The following CAP2 variants were observed in gnomAD, a reference collection of about 807,000 sequenced individuals.
CAP2 encodes adenylyl cyclase-associated protein 2.
Under a neutral mutation model 57.7 loss-of-function variants are expected in CAP2, and 24 were observed. The ratio of observed to expected loss-of-function variants is 0.42; its 90% CI spans 0.30 to 0.58. The LOEUF (loss-of-function observed/expected upper bound fraction) is 0.58, where lower values mean the gene tolerates loss of function less well. Ranked by LOEUF, CAP2 falls within the 20% of genes least tolerant of loss-of-function variation. The pLI, the probability that CAP2 is intolerant of heterozygous loss-of-function variation, is 0.22. For missense variants in CAP2, 501 were observed against 590.3 expected (o/e 0.85, Z 1.57); for synonymous variants, 194 against 207.2 (o/e 0.94, Z 0.55).
At chr6:17,424,743 G>A (rs1429864108) in intron 2 of CAP2, among the ~76,000 whole-genome samples, 2 of 152,212 alleles carry the variant, frequency 1.3e-5, no homozygotes, top group Non-Finnish European at 2.9e-5. Context: ...AGACAGGTCT[G>A]CCCGCAGGAG....
chr6:17,398,288 A>G (rs562241013), intron 1 of CAP2, among the ~76,000 whole-genome samples: 2 of 152,270 alleles, frequency 1.3e-5, no homozygotes, highest in South Asian at 2.1e-4. Context: ...CTCGTATTGT[A>G]TATCCTGCGG....
intron 7 of CAP2, among the ~76,000 whole-genome samples, chr6:17,529,155 T>A (rs1028003032): frequency 6.6e-6 from 1 of 152,260 alleles, no homozygotes; most frequent in Non-Finnish European, 1.5e-5. Flanking sequence ...AGGATGATCA[T>A]CTTTTAGTTT....
intron 1 of CAP2, among the ~76,000 whole-genome samples, chr6:17,408,415 A>G (rs1299124194): frequency 1.3e-5 from 2 of 152,136 alleles, no homozygotes; most frequent in Non-Finnish European, 2.9e-5. Context: ...TCTTGTGAGA[A>G]TGGCACCAAG....
chr6:17,438,030 T>C (rs1007024826), intron 3 of CAP2, among the ~76,000 whole-genome samples: 2 of 151,968 alleles, frequency 1.3e-5, no homozygotes, highest in African/African-American at 4.8e-5. Context: ...TGGTGAGAGA[T>C]ACAAATATTT....
intron 7 of CAP2, among the ~76,000 whole-genome samples, chr6:17,517,923 A>G (rs1330711136): frequency 6.6e-6 from 1 of 152,086 alleles, no homozygotes; most frequent in East Asian, 1.9e-4. Flanking sequence ...ATAAATAAAT[A>G]AATAGTTATA....
At chr6:17,454,555 TG>T (rs1291395969) in intron 3 of CAP2, among the ~76,000 whole-genome samples, 1 of 152,230 alleles carries the variant, frequency 6.6e-6, no homozygotes, top group African/African-American at 2.4e-5. Context: ...CCCATTATCA[TG>T]GCTGCCCTGT....
intron 4 of CAP2, among the ~76,000 whole-genome samples, chr6:17,500,340 AATATATATATATAT>A (rs4052821): frequency 0.016 from 531 of 33,076 alleles, 40 homozygotes; most frequent in African/African-American, 0.034. Context: ...TGTGTGTCCA[AATATATATATATAT>A]ATATATATAT....
chr6:17,532,639 T>C (rs1762672653), intron 7 of CAP2, among the ~76,000 whole-genome samples: 1 of 150,004 alleles, frequency 6.7e-6, no homozygotes, highest in Admixed American at 6.6e-5. Flanking sequence ...TCCCAGCTAC[T>C]GGGAGGCTGA....
rs530024833 is a variant in CAP2 at position 17,513,639 on chromosome 6, C to T, written c.531-210C>T. 6.6e-6 allele frequency among the ~76,000 whole-genome samples: 1 copy of T among 152,268 alleles called. No individual in the cohort carries two copies. Among genetic ancestry groups the T allele is most frequent in the South Asian group, 2.1e-4 (1 of 4,822 alleles). On this transcript the variant is annotated intron_variant, in intron 6 of 12. Coordinates refer to ENST00000229922, the MANE Select transcript of CAP2 (RefSeq NM_006366.3). This position sits in a 1 kb window ranked among gnomAD's most constrained non-coding sequence, Gnocchi z 4.3. Reference sequence around the variant, plus strand: ...CTCCATACCCGGAGCTCAGGGCATCCGGCCACCTGCCGCCTCCCCTCAGGA... The same window carrying T: ...CTCCATACCCGGAGCTCAGGGCATCTGGCCACCTGCCGCCTCCCCTCAGGA...
At chr6:17,488,858 G>A (rs1456352888) in intron 4 of CAP2, among the ~76,000 whole-genome samples, 3 of 152,136 alleles carry the variant, frequency 2.0e-5, no homozygotes, top group Non-Finnish European at 2.9e-5. Flanking sequence ...TGAACATGGT[G>A]CACCTGCTGC....
intron 4 of CAP2, among the ~76,000 whole-genome samples, chr6:17,491,086 T>A (rs1474028302): frequency 6.6e-6 from 1 of 152,170 alleles, no homozygotes; most frequent in Non-Finnish European, 1.5e-5. Context: ...TAACATCATG[T>A]CCCAGAAATG....
At chr6:17,555,640 C>T (rs1226189804) in intron 12 of CAP2, among the ~76,000 whole-genome samples, 3 of 151,666 alleles carry the variant, frequency 2.0e-5, no homozygotes, top group South Asian at 4.2e-4. Flanking sequence ...CTCGGCTGAC[C>T]GCAACCTCTG....
chr6:17,450,138 G>A (rs982365898), intron 3 of CAP2, among the ~76,000 whole-genome samples: 5 of 150,372 alleles, frequency 3.3e-5, no homozygotes, highest in African/African-American at 4.9e-5. Flanking sequence ...TGCAAGCTCC[G>A]CCTCCCAGGT....
intron 3 of CAP2, among the ~76,000 whole-genome samples, chr6:17,453,226 C>T (rs1760462149): frequency 6.6e-6 from 1 of 152,126 alleles, no homozygotes; most frequent in Non-Finnish European, 1.5e-5. Context: ...TGGAAGAATG[C>T]TAGAGGGAGC....
intron 1 of CAP2, among the ~76,000 whole-genome samples, chr6:17,400,757 C>T (rs1237450805): frequency 3.3e-5 from 5 of 150,248 alleles, no homozygotes; most frequent in Admixed American, 1.3e-4. Context: ...CCCAGCTACT[C>T]GGGAGGCTGA....
intron 3 of CAP2, among the ~76,000 whole-genome samples, chr6:17,430,625 A>G (rs1055267530): frequency 6.8e-6 from 1 of 147,664 alleles, no homozygotes; most frequent in Non-Finnish European, 1.5e-5. Context: ...TGCAACCTCC[A>G]CCTCCCGGGT....
At chr6:17,527,598 T>TTTTC (rs1762539597) in intron 7 of CAP2, among the ~76,000 whole-genome samples, 1 of 12,282 alleles carries the variant, frequency 8.1e-5, no homozygotes, top group Non-Finnish European at 1.8e-4. Context: ...GTTCTCTTTC[T>TTTTC]TTTTTTTTTT....
Position 17,419,761 on chromosome 6 carries a change from G to A in CAP2, c.-1-1794G>A, listed in dbSNP as rs562660043. Among the ~76,000 whole-genome samples, 13 of 152,012 alleles carry A rather than the reference G, an allele frequency of 8.6e-5. No homozygotes were observed. The East Asian group carries it at 2.3e-3, about 27-fold the overall frequency. ...TGCAGTGGCGTGATCTCAGCTCACT[G>A]CAACCTCCACCTCCTGGGTTCAAGC... On this transcript the variant is annotated intron_variant, in intron 1 of 12. Coordinates refer to ENST00000229922, the MANE Select transcript of CAP2 (RefSeq NM_006366.3).
chr6:17,442,916 C>G (rs1561785259), intron 3 of CAP2, among the ~76,000 whole-genome samples: 1 of 152,022 alleles, frequency 6.6e-6, no homozygotes, highest in African/African-American at 2.4e-5. Flanking sequence ...TGGAGTTTCA[C>G]CATGTTGACC....
Sources: gnomAD v4.1 joint callset for allele counts (sites outside exome capture counted in the v4.1 genomes callset) on GRCh38, gnomAD v4.1.1 for gene constraint, Gnocchi (gnomAD v3.1) non-coding constraint, MANE v1.5 for transcripts, NCBI Gene and HGNC (gene_info 2026-07-23, HGNC 2026-07-21) for gene names.